Variants in MAMLD1 observed in about 807,000 individuals in gnomAD.
MAMLD1 encodes the protein mastermind like domain containing 1.
MAMLD1 carries 14 observed loss-of-function variants against 45.0 expected under a neutral mutation model. That is an observed-to-expected ratio of 0.31 (90% CI 0.21 to 0.49). The LOEUF is 0.49. Ranked by LOEUF, MAMLD1 falls within the 20% of genes least tolerant of loss-of-function variation. The pLI is 0.99. For synonymous variants in MAMLD1, 254 were observed against 247.8 expected, an observed-to-expected ratio of 1.02 and a Z score of -0.24; for missense variants, 543 against 603.6, an observed-to-expected ratio of 0.90 and a Z score of 1.05.
At chrX:150,379,111 C>T (rs1387759374) in intron 1 of MAMLD1, among the ~76,000 whole-genome samples, 1 of 111,499 alleles carries the variant, frequency 9.0e-6, no homozygotes, top group African/African-American at 3.3e-5. Flanking sequence ...ATATCTATTT[C>T]TCTATCTATC....
chrX:150,447,814 A>G (rs1451811062), intron 2 of MAMLD1, among the ~76,000 whole-genome samples: 1 of 111,359 alleles, frequency 9.0e-6, no homozygotes, highest in Admixed American at 9.5e-5. Flanking sequence ...ACACCCAGGG[A>G]TGACACCCTG....
At chrX:150,452,352 G>C (rs934682808) in intron 2 of MAMLD1, among the ~76,000 whole-genome samples, 33 of 111,946 alleles carry the variant, frequency 2.9e-4, no homozygotes, top group African/African-American at 8.1e-4. Context: ...CTGGCCTTCA[G>C]AGAGTTATGT....
chrX:150,370,755 C>G (rs782794097), intron 1 of MAMLD1, among the ~76,000 whole-genome samples: 2 of 111,611 alleles, frequency 1.8e-5, no homozygotes, highest in East Asian at 2.8e-4. Context: ...CTTCAAACCT[C>G]GAGTTTTCTC....
chrX:150,470,831 C>A lies in MAMLD1; in HGVS notation c.1258C>A (p.Gln420Lys), dbSNP rs782235552. ...CAGCCCTGCTCTCACTCAACAGCCG[C>A]AGTTCGGCCCTCAGAGCTCCATTCT... ...LPSPALTQQP[Q>K]FGPQSSILAN... The change falls in exon 4 of 8, where the codon CAG becomes AAG. Residue 420 changes from glutamine to lysine, a missense_variant. By Grantham distance (53) the Gln-to-Lys change is moderately conservative. Coordinates refer to ENST00000370401, the MANE Select transcript of MAMLD1 (RefSeq NM_005491.5). 8.3e-7 allele frequency: 1 copy of A among 1,212,051 alleles called. No homozygotes were observed. The highest frequency in any genetic ancestry group is 1.8e-5 in the South Asian group (1 of 57,026).
At chrX:150,486,084 A>C (rs1375435226) in intron 5 of MAMLD1, among the ~76,000 whole-genome samples, 2 of 111,914 alleles carry the variant, frequency 1.8e-5, no homozygotes, top group Non-Finnish European at 3.8e-5. Flanking sequence ...CTGAAAGTTA[A>C]AGTCCAGCGG....
intron 1 of MAMLD1, among the ~76,000 whole-genome samples, chrX:150,392,532 G>T (rs1300509848): frequency 1.8e-5 from 2 of 110,500 alleles, no homozygotes; most frequent in African/African-American, 3.3e-5. Flanking sequence ...GCATGCTTGG[G>T]CCCCTGACAC....
At chrX:150,390,007 C>A (rs1440489089) in intron 1 of MAMLD1, among the ~76,000 whole-genome samples, 1 of 111,909 alleles carries the variant, frequency 8.9e-6, no homozygotes, top group African/African-American at 3.2e-5. Flanking sequence ...GTCAACTTAC[C>A]TATGATGTTG....
chrX:150,435,401 G>A (rs1351540704), intron 1 of MAMLD1, among the ~76,000 whole-genome samples: 1 of 111,222 alleles, frequency 9.0e-6, no homozygotes, highest in Non-Finnish European at 1.9e-5. Flanking sequence ...TGTAATCCCA[G>A]CTACTCGGGA....
chrX:150,371,184 TCCTTGGTGGGCAGGTGGGGTAAGCTA>T (rs2031960596), intron 1 of MAMLD1, among the ~76,000 whole-genome samples: 2 of 111,419 alleles, frequency 1.8e-5, no homozygotes, highest in Admixed American at 1.9e-4. Flanking sequence ...GACCCCCATT[TCCTTGGTGGGCAGGTGGGGTAAGCTA>T]CCTTACCCTC....
At chrX:150,398,325 A>AGAG (rs2033575125) in intron 1 of MAMLD1, among the ~76,000 whole-genome samples, 6 of 82,608 alleles carry the variant, frequency 7.3e-5, no homozygotes, top group African/African-American at 1.9e-4. Flanking sequence ...AAGAAGAAGA[A>AGAG]GAAGAAGAAG....
chrX:150,439,796 A>G (rs1447183860), intron 1 of MAMLD1, among the ~76,000 whole-genome samples: 1 of 111,238 alleles, frequency 9.0e-6, no homozygotes, highest in Non-Finnish European at 1.9e-5. Flanking sequence ...TTAGCCGGGC[A>G]TGGTGTAGTC....
At chrX:150,491,487 G>C (rs905575731) in intron 5 of MAMLD1, among the ~76,000 whole-genome samples, 1 of 112,045 alleles carries the variant, frequency 8.9e-6, no homozygotes, top group African/African-American at 3.2e-5. Flanking sequence ...GCCAGTGTGT[G>C]ACAATTCTCA....
chrX:150,406,652 A>G (rs977207545), intron 1 of MAMLD1, among the ~76,000 whole-genome samples: 1 of 111,727 alleles, frequency 9.0e-6, no homozygotes, highest in African/African-American at 3.3e-5. Context: ...GGGGCCCTTC[A>G]TTTTGGCCTC....
chrX:150,458,691 C>T (rs2035946477), intron 2 of MAMLD1, among the ~76,000 whole-genome samples: 1 of 111,748 alleles, frequency 8.9e-6, no homozygotes. Context: ...TTAAGGTATA[C>T]AGTGTGATGA....
At chrX:150,374,880 C>G (rs1269509056) in intron 1 of MAMLD1, among the ~76,000 whole-genome samples, 1 of 111,217 alleles carries the variant, frequency 9.0e-6, no homozygotes, top group Non-Finnish European at 1.9e-5. Flanking sequence ...TAAAGTGGAT[C>G]CTGGGTGTCT....
chrX:150,417,110 C>T (rs781969273), intron 1 of MAMLD1, among the ~76,000 whole-genome samples: 5 of 110,636 alleles, frequency 4.5e-5, no homozygotes, highest in Non-Finnish European at 9.5e-5. Context: ...GCTGCACCCA[C>T]TAACTCGTCA....
intron 5 of MAMLD1, among the ~76,000 whole-genome samples, chrX:150,502,053 C>T (rs2037572182): frequency 8.9e-6 from 1 of 112,420 alleles, no homozygotes; most frequent in South Asian, 3.6e-4. Context: ...CGAATAAGAC[C>T]AAATATTTAA....
intron 5 of MAMLD1, among the ~76,000 whole-genome samples, chrX:150,477,440 G>A (rs2036613421): frequency 8.9e-6 from 1 of 112,024 alleles, no homozygotes; most frequent in Non-Finnish European, 1.9e-5. Context: ...ACGGTGACTT[G>A]GAGAGAAAGG....
chrX:150,432,989 A>G (rs1557404130), intron 1 of MAMLD1, among the ~76,000 whole-genome samples: 1 of 111,775 alleles, frequency 8.9e-6, no homozygotes, highest in Non-Finnish European at 1.9e-5. Flanking sequence ...TTGAATCTGT[A>G]AATTGTTTCA....
Sources: allele counts gnomAD v4.1 joint callset (sites outside exome capture counted in the v4.1 genomes callset), GRCh38; gene constraint gnomAD v4.1.1; transcripts MANE v1.5; gene names NCBI Gene and HGNC (gene_info 2026-07-23, HGNC 2026-07-21).